Variants in MGMT observed in about 807,000 individuals in gnomAD.
The protein encoded by MGMT is methylated-DNA--protein-cysteine methyltransferase.
A neutral mutation model predicts 15.9 loss-of-function variants in MGMT; 14 were observed. The ratio of observed to expected loss-of-function variants is 0.88; its 90% CI spans 0.58 to 1.37. The LOEUF (loss-of-function observed/expected upper bound fraction) is 1.37, where lower values mean the gene tolerates loss of function less well. Ranked by LOEUF, MGMT falls within the 40% of genes most tolerant of loss-of-function variation. The probability of loss-of-function intolerance (pLI) is 0.00; values close to 1 mark genes in which losing one functional copy is unlikely to be tolerated. For synonymous variants in MGMT, 130 were observed against 118.2 expected, an observed-to-expected ratio of 1.10 and a Z score of -0.65; for missense variants, 282 against 268.1, an observed-to-expected ratio of 1.05 and a Z score of -0.36.
intron 3 of MGMT, among the ~76,000 whole-genome samples, chr10:129,741,978 A>C (rs2133172485): frequency 6.6e-6 from 1 of 152,306 alleles, no homozygotes; most frequent in East Asian, 1.9e-4. Flanking sequence ...CCAGCTTTGC[A>C]AAGTGGTTGT....
intron 2 of MGMT, among the ~76,000 whole-genome samples, chr10:129,540,230 C>T (rs564845160): frequency 6.6e-6 from 1 of 152,156 alleles, no homozygotes; most frequent in African/African-American, 2.4e-5. Flanking sequence ...GTATGTTGAT[C>T]TTATATTCTG....
chr10:129,539,930 C>A (rs184614304), intron 2 of MGMT, among the ~76,000 whole-genome samples: 74 of 152,312 alleles, frequency 4.9e-4, no homozygotes, highest in South Asian at 1.5e-3. Flanking sequence ...GTGTAAATTT[C>A]TGCAATGATT....
At chr10:129,613,775 G>A (rs1357808381) in intron 2 of MGMT, among the ~76,000 whole-genome samples, 8 of 152,306 alleles carry the variant, frequency 5.3e-5, no homozygotes, top group African/African-American at 1.2e-4. Flanking sequence ...TCTGCCCAGC[G>A]TCACGCAGTG....
chr10:129,479,589 T>G (rs1295887522), intron 1 of MGMT, among the ~76,000 whole-genome samples: 1 of 152,126 alleles, frequency 6.6e-6, no homozygotes, highest in African/African-American at 2.4e-5. Context: ...TGGAAAAGTT[T>G]GTGTGAGTGA....
chr10:129,646,742 A>ATT (rs1363807123), intron 2 of MGMT, among the ~76,000 whole-genome samples: 1 of 83,244 alleles, frequency 1.2e-5, no homozygotes, highest in African/African-American at 4.3e-5. Context: ...ATATATATAT[A>ATT]TATATATATA....
intron 2 of MGMT, among the ~76,000 whole-genome samples, chr10:129,588,680 A>C (rs1018178329): frequency 3.3e-5 from 5 of 152,198 alleles, no homozygotes; most frequent in Admixed American, 1.3e-4. Context: ...CAGCACTGTC[A>C]TCATGGATAG....
intron 2 of MGMT, among the ~76,000 whole-genome samples, chr10:129,631,758 A>G (rs1275350018): frequency 6.6e-6 from 1 of 152,236 alleles, no homozygotes; most frequent in African/African-American, 2.4e-5. Flanking sequence ...TGGGAGTTGG[A>G]GGCTGCAATG....
intron 4 of MGMT, among the ~76,000 whole-genome samples, chr10:129,760,986 A>G (rs1848866417): frequency 6.6e-6 from 1 of 152,176 alleles, no homozygotes; most frequent in South Asian, 2.1e-4. Flanking sequence ...GTTGGGGGAT[A>G]TTTCCGAATC....
chr10:129,618,764 ATATTTTT>A (rs1375497793), intron 2 of MGMT, among the ~76,000 whole-genome samples: 1 of 152,148 alleles, frequency 6.6e-6, no homozygotes, highest in African/African-American at 2.4e-5. Flanking sequence ...TAAAAATGCT[ATATTTTT>A]AGTTTCAATT....
At chr10:129,707,258 CAA>C (rs1848175140) in intron 2 of MGMT, among the ~76,000 whole-genome samples, 1 of 151,932 alleles carries the variant, frequency 6.6e-6, no homozygotes, top group Non-Finnish European at 1.5e-5. Flanking sequence ...GCCACGGCAA[CAA>C]GAGCAAAACT....
intron 2 of MGMT, among the ~76,000 whole-genome samples, chr10:129,577,410 A>C (rs1038502907): frequency 3.3e-5 from 5 of 152,252 alleles, no homozygotes; most frequent in African/African-American, 1.2e-4. Flanking sequence ...ATCATTGATA[A>C]ACCTGACAAA....
intron 3 of MGMT, among the ~76,000 whole-genome samples, chr10:129,758,490 A>G (rs1848832761): frequency 6.6e-6 from 1 of 152,090 alleles, no homozygotes; most frequent in African/African-American, 2.4e-5. Flanking sequence ...CCCAGGTAAC[A>G]GTTCTGAAAC....
At chr10:129,669,738 G>T (rs1847700771) in intron 2 of MGMT, among the ~76,000 whole-genome samples, 1 of 152,110 alleles carries the variant, frequency 6.6e-6, no homozygotes, top group African/African-American at 2.4e-5. Flanking sequence ...TATATCCACT[G>T]TAAATTTCTG....
At chr10:129,592,570 G>A (rs1241005892) in intron 2 of MGMT, among the ~76,000 whole-genome samples, 7 of 152,274 alleles carry the variant, frequency 4.6e-5, no homozygotes, top group African/African-American at 1.7e-4. Context: ...AGGCTTCAGG[G>A]TCCACATGGA....
intron 1 of MGMT, among the ~76,000 whole-genome samples, chr10:129,528,525 C>T (rs1458769451): frequency 2.2e-5 from 3 of 135,230 alleles, no homozygotes; most frequent in Admixed American, 7.5e-5. Flanking sequence ...GCGGGGGGAG[C>T]GGGGGCGTGG....
chr10:129,741,767 G>T (rs1255471718), intron 3 of MGMT, among the ~76,000 whole-genome samples: 1 of 152,176 alleles, frequency 6.6e-6, no homozygotes, highest in Non-Finnish European at 1.5e-5. Flanking sequence ...TGGGCCCTGA[G>T]TCGGTTGAGA....
chr10:129,550,691 C>T (rs746660814), intron 2 of MGMT, among the ~76,000 whole-genome samples: 2 of 152,132 alleles, frequency 1.3e-5, no homozygotes, highest in African/African-American at 2.4e-5. Flanking sequence ...GGTGATCCAC[C>T]TTCCTTAGTC....
chr10:129,672,171 T>C (rs543416160), intron 2 of MGMT, among the ~76,000 whole-genome samples: 41 of 152,344 alleles, frequency 2.7e-4, no homozygotes, highest in African/African-American at 9.1e-4. Flanking sequence ...TGTATTTTTA[T>C]ATCATTTGTT....
At chr10:129,470,450 A>C (rs1845217522) in intron 1 of MGMT, among the ~76,000 whole-genome samples, 1 of 152,232 alleles carries the variant, frequency 6.6e-6, no homozygotes, top group Admixed American at 6.5e-5. Context: ...GAAACTAATG[A>C]ATATAGTATG....
Sources: gnomAD v4.1 joint callset for allele counts (sites outside exome capture counted in the v4.1 genomes callset) on GRCh38, gnomAD v4.1.1 for gene constraint, MANE v1.5 for transcripts, NCBI Gene and HGNC (gene_info 2026-07-23, HGNC 2026-07-21) for gene names.